SCGB1A1: variants seen among roughly 807,000 people sequenced by gnomAD.
SCGB1A1 encodes secretoglobin family 1A member 1.
SCGB1A1 carries 8 observed loss-of-function variants against 7.5 expected under a neutral mutation model. The observed-to-expected ratio is 1.07, with a 90% CI of 0.63 to 1.92. The LOEUF (loss-of-function observed/expected upper bound fraction) is 1.92, where lower values mean the gene tolerates loss of function less well. Ranked by LOEUF, SCGB1A1 falls within the 30% of genes most tolerant of loss-of-function variation. SCGB1A1 has a pLI of 0.00. For synonymous variants in SCGB1A1, 44 were observed against 40.8 expected (o/e 1.08, Z -0.30); for missense variants, 121 against 112.7 (o/e 1.07, Z -0.33).
In SCGB1A1 at chr11:62,422,351, G is replaced by C; in HGVS notation, c.186G>C (p.Leu62=). 1 of 1,614,100 alleles carries C rather than the reference G, an allele frequency of 6.2e-7. No individual in the cohort carries two copies. Among genetic ancestry groups the C allele is most frequent in the Non-Finnish European group, 8.5e-7 (1 of 1,179,980 alleles). Reference sequence around the variant, plus strand: ...ACATGAGGGAGGCAGGGGCTCAGCTGAAGAAGCTGGTGGACACCCTCCCCC... The same window carrying C: ...ACATGAGGGAGGCAGGGGCTCAGCTCAAGAAGCTGGTGGACACCCTCCCCC... The part of the protein sequence containing the change: ...DQDMREAGAQ[L]KKLVDTLPQK... Residue 62 remains leucine (L), a synonymous_variant, in exon 2 of 3, where the codon CTG becomes CTC. Coordinates refer to ENST00000278282, the MANE Select transcript of SCGB1A1 (RefSeq NM_003357.5).
At chr11:62,419,277 TGA>T in intron 1 of SCGB1A1, 127 bp downstream of exon 1, 1 of 715,406 alleles carries the variant, frequency 1.4e-6, no homozygotes, top group Non-Finnish European at 2.0e-6. Flanking sequence ...CTGGGCATGC[TGA>T]GTCTCAGAAA....
At chr11:62,422,748 T>C (rs542340079) in intron 2 of SCGB1A1, among the ~76,000 whole-genome samples, 1 of 152,190 alleles carries the variant, frequency 6.6e-6, no homozygotes, top group Non-Finnish European at 1.5e-5. Context: ...CTAATTTCTG[T>C]ATTTTTGTAG....
chr11:62,419,095 C>T lies in SCGB1A1; in HGVS notation c.-1C>T, dbSNP rs1319152848. 1 of 1,585,428 alleles carries T rather than the reference C, an allele frequency of 6.3e-7. No individual in the cohort carries two copies. Among genetic ancestry groups the T allele is most frequent in the Admixed American group, 1.7e-5 (1 of 58,232 alleles). ...GGGCCAGAGCATCCCCCTCCTCCACCATGAAACTCGCTGTCACCCTCACCC... is the reference window on the plus strand; with the variant it reads ...GGGCCAGAGCATCCCCCTCCTCCACTATGAAACTCGCTGTCACCCTCACCC... On this transcript the variant is annotated 5_prime_UTR_variant, in exon 1 of 3. Transcript: ENST00000278282.
chr11:62,423,167 G>A lies in SCGB1A1; in HGVS notation c.*76G>A, dbSNP rs1031942247. The A allele has an allele frequency of 3.9e-5, 57 of 1,471,854 alleles. No homozygotes were observed. The highest frequency in any genetic ancestry group is 5.3e-5 in the Non-Finnish European group (56 of 1,052,274). 91.2% of individuals were successfully genotyped at this position (1,471,854 alleles called of 1,614,324 possible). A position where few individuals can be genotyped will look rare whatever the true frequency, so the allele number is the denominator to read the frequency against. ...CTTTGAGTCCACGCCCACCAGCCTTGCTCTCTTCAATAAACCACAAGCATC... is the reference window on the plus strand; with the variant it reads ...CTTTGAGTCCACGCCCACCAGCCTTACTCTCTTCAATAAACCACAAGCATC... On this transcript the variant is annotated 3_prime_UTR_variant, in exon 3 of 3. Transcript: ENST00000278282.
chr11:62,420,235 A>C (rs1160865782), intron 1 of SCGB1A1, among the ~76,000 whole-genome samples: 2 of 152,114 alleles, frequency 1.3e-5, no homozygotes, highest in Non-Finnish European at 2.9e-5. Flanking sequence ...ATTTGTGTGC[A>C]CATGCATACA....
Position 62,421,971 on chromosome 11 carries a change from A to G in SCGB1A1, c.56-250A>G, listed in dbSNP as rs935080930. 3 of 298,860 alleles carry G rather than the reference A, an allele frequency of 1.0e-5. No homozygotes were observed. The Admixed American group carries it at 1.5e-4, about 15-fold the overall frequency. The allele number at this position is 298,860 out of a possible 1,614,324, so 18.5% of individuals were successfully genotyped here. A position where few individuals can be genotyped will look rare whatever the true frequency, so the allele number is the denominator to read the frequency against. On this transcript the variant is annotated intron_variant, in intron 1 of 2. Transcript: ENST00000278282. ...CCACACTGCATTAAAAAATCAGGCC[A>G]GCAGCTTCTATGATCAATACTCTGC... is the stretch of plus-strand genomic sequence containing the variant.
intron 1 of SCGB1A1, among the ~76,000 whole-genome samples, chr11:62,420,600 A>G (rs41501646): frequency 0.064 from 9,351 of 146,404 alleles, 677 homozygotes; most frequent in African/African-American, 0.18. Flanking sequence ...GTGAGCCACC[A>G]TGCCTGGCCT....
chr11:62,421,768 C>T (rs974194153), intron 1 of SCGB1A1: 2 of 152,234 alleles, frequency 1.3e-5, no homozygotes, highest in Non-Finnish European at 2.9e-5. Context: ...GCCTCGGCCT[C>T]CCAAAGTGCT....
Sources: gnomAD v4.1 joint callset for allele counts (sites outside exome capture counted in the v4.1 genomes callset) on GRCh38, gnomAD v4.1.1 for gene constraint, MANE v1.5 for transcripts, NCBI Gene and HGNC (gene_info 2026-07-23, HGNC 2026-07-21) for gene names.